LINC00305: variants seen among roughly 807,000 people sequenced by gnomAD.
The protein encoded by LINC00305 is long intergenic non-protein coding RNA 305.
chr18:64,145,367 C>A (rs1240575404), intron 1 of LINC00305, among the ~76,000 whole-genome samples: 1 of 152,146 alleles, frequency 6.6e-6, no homozygotes, highest in Admixed American at 6.5e-5. Flanking sequence ...CCTCACTAAC[C>A]TACCCCCGCC....
intron 1 of LINC00305, among the ~76,000 whole-genome samples, chr18:64,122,909 C>G (rs1018611710): frequency 3.3e-5 from 5 of 151,994 alleles, no homozygotes; most frequent in Non-Finnish European, 5.9e-5. Context: ...ATTTTACCTT[C>G]TTAGTTAAAT....
intron 1 of LINC00305, among the ~76,000 whole-genome samples, chr18:64,113,412 TTTAA>T (rs1453210467): frequency 6.6e-6 from 1 of 152,230 alleles, no homozygotes; most frequent in Non-Finnish European, 1.5e-5. Flanking sequence ...CTATAAATTA[TTTAA>T]TTATTTTCCT....
chr18:64,137,835 T>TATACACACAG (rs1555668914), intron 1 of LINC00305, among the ~76,000 whole-genome samples: 1 of 144,646 alleles, frequency 6.9e-6, no homozygotes, highest in East Asian at 2.0e-4. Context: ...CATTAAATAA[T>TATACACACAG]ATACACACAC....
intron 1 of LINC00305, among the ~76,000 whole-genome samples, chr18:64,109,532 C>T (rs2051306021): frequency 6.6e-6 from 1 of 152,148 alleles, no homozygotes; most frequent in East Asian, 1.9e-4. Context: ...CATATTGAGC[C>T]ATTTATTCAT....
At chr18:64,146,856 T>G (rs942709971) in intron 1 of LINC00305, among the ~76,000 whole-genome samples, 1 of 152,136 alleles carries the variant, frequency 6.6e-6, no homozygotes, top group African/African-American at 2.4e-5. Context: ...TGTGTGTGTG[T>G]TTATTATATT....
At chr18:64,132,992 G>T (rs903735376) in intron 1 of LINC00305, among the ~76,000 whole-genome samples, 10 of 152,178 alleles carry the variant, frequency 6.6e-5, no homozygotes, top group African/African-American at 2.4e-4. Flanking sequence ...CCTCCACATG[G>T]TTCCAGGGGA....
chr18:64,144,769 A>G (rs2144284354), intron 1 of LINC00305, among the ~76,000 whole-genome samples: 1 of 152,290 alleles, frequency 6.6e-6, no homozygotes, highest in Non-Finnish European at 1.5e-5. Flanking sequence ...TGTAAAGACA[A>G]TGCCAGGTTG....
chr18:64,140,258 G>C (rs1359999788), intron 1 of LINC00305, among the ~76,000 whole-genome samples: 1 of 151,990 alleles, frequency 6.6e-6, no homozygotes, highest in Non-Finnish European at 1.5e-5. Flanking sequence ...ACCCAGGCTG[G>C]AGTGCAGTAG....
chr18:64,083,054 C>T (rs1648033056), intron 3 of LINC00305, among the ~76,000 whole-genome samples: 1 of 151,960 alleles, frequency 6.6e-6, no homozygotes, highest in Non-Finnish European at 1.5e-5. Flanking sequence ...TGTCCCTTAC[C>T]TTGTCCTTAA....
chr18:64,083,614 A>G (rs1307649617), intron 3 of LINC00305, among the ~76,000 whole-genome samples: 1 of 152,190 alleles, frequency 6.6e-6, no homozygotes, highest in Non-Finnish European at 1.5e-5. Context: ...AGTGGTGCTG[A>G]CGTGCACATG....
At chr18:64,094,390 G>T (rs1182066415) in intron 3 of LINC00305, among the ~76,000 whole-genome samples, 1 of 152,154 alleles carries the variant, frequency 6.6e-6, no homozygotes, top group Non-Finnish European at 1.5e-5. Context: ...GGTGAAGGGA[G>T]GGGTGAGGGT....
chr18:64,094,526 G>T (rs146212068), intron 3 of LINC00305, among the ~76,000 whole-genome samples: 237 of 152,270 alleles, frequency 1.6e-3, no homozygotes, highest in African/African-American at 5.5e-3. Context: ...CAGAGAGCTG[G>T]TGGTGAGCCA....
chr18:64,099,132 G>A (rs2051258415), intron 1 of LINC00305, among the ~76,000 whole-genome samples: 1 of 152,056 alleles, frequency 6.6e-6, no homozygotes. Context: ...CTGAAGAGGT[G>A]CAAATATTGT....
intron 1 of LINC00305, among the ~76,000 whole-genome samples, chr18:64,139,813 A>G (rs1167923767): frequency 6.6e-6 from 1 of 152,054 alleles, no homozygotes; most frequent in Non-Finnish European, 1.5e-5. Flanking sequence ...AACTTCCAAG[A>G]ATCTTGAGGC....
At chr18:64,117,159 C>A (rs2051341431) in intron 1 of LINC00305, among the ~76,000 whole-genome samples, 1 of 152,088 alleles carries the variant, frequency 6.6e-6, no homozygotes, top group Non-Finnish European at 1.5e-5. Flanking sequence ...TCTGTAGAGG[C>A]CCTGTTTTAC....
intron 1 of LINC00305, among the ~76,000 whole-genome samples, chr18:64,125,169 C>T (rs76581092): frequency 9.5e-4 from 144 of 152,160 alleles, no homozygotes; most frequent in Non-Finnish European, 1.7e-3. Flanking sequence ...CTATTTATTT[C>T]CTGCTTCTAG....
chr18:64,094,856 AAAAT>A (rs754074493), intron 3 of LINC00305, among the ~76,000 whole-genome samples: 259 of 120,834 alleles, frequency 2.1e-3, no homozygotes, highest in African/African-American at 6.2e-3. Flanking sequence ...TTCATCTCAA[AAAAT>A]AAATAAATAA....
chr18:64,140,322 C>T (rs1379286833), intron 1 of LINC00305, among the ~76,000 whole-genome samples: 1 of 152,132 alleles, frequency 6.6e-6, no homozygotes, highest in East Asian at 1.9e-4. Context: ...GATTCTCCTG[C>T]CTCACCCTCC....
chr18:64,134,991 AC>A (rs2051425864), intron 1 of LINC00305, among the ~76,000 whole-genome samples: 1 of 152,182 alleles, frequency 6.6e-6, no homozygotes, highest in African/African-American at 2.4e-5. Context: ...GGGAACTTGA[AC>A]AACCAAAGTT....
Sources: allele counts gnomAD v4.1 joint callset (sites outside exome capture counted in the v4.1 genomes callset), GRCh38; gene constraint gnomAD v4.1.1; transcripts MANE v1.5; gene names NCBI Gene and HGNC (gene_info 2026-07-23, HGNC 2026-07-21).